The following PRKG1 variants were observed in gnomAD, a reference collection of about 807,000 sequenced individuals.
PRKG1 encodes the protein protein kinase cGMP-dependent 1.
Under a neutral mutation model 88.1 loss-of-function variants are expected in PRKG1, and 35 were observed. The ratio of observed to expected loss-of-function variants is 0.40; its 90% CI spans 0.30 to 0.53. PRKG1 has a LOEUF of 0.53. Among genes scored for constraint, PRKG1 ranks in the 20% least tolerant of loss-of-function variants. The pLI is 0.59. For missense variants in PRKG1, 540 were observed against 839.8 expected (o/e 0.64, Z 4.41); for synonymous variants, 303 against 292.5 (o/e 1.04, Z -0.37).
At chr10:51,044,209 A>T (rs905558462) in intron 1 of PRKG1, among the ~76,000 whole-genome samples, 27 of 152,000 alleles carry the variant, frequency 1.8e-4, no homozygotes, top group African/African-American at 6.3e-4. Context: ...GATCTTTCAG[A>T]CCTCATTATG....
intron 7 of PRKG1, among the ~76,000 whole-genome samples, chr10:52,123,259 T>C (rs937253906): frequency 6.6e-6 from 1 of 152,174 alleles, no homozygotes; most frequent in Non-Finnish European, 1.5e-5. Context: ...CCCGTGGATA[T>C]AGATCGAAGA....
chr10:52,017,357 A>G (rs895288884), intron 5 of PRKG1, among the ~76,000 whole-genome samples: 2 of 152,198 alleles, frequency 1.3e-5, no homozygotes, highest in African/African-American at 4.8e-5. Flanking sequence ...AGACAGTGTC[A>G]TGGCTTGAAC....
intron 5 of PRKG1, among the ~76,000 whole-genome samples, chr10:52,029,568 A>C (rs532459244): frequency 6.6e-6 from 1 of 152,328 alleles, no homozygotes; most frequent in South Asian, 2.1e-4. Context: ...TTTACTGGAA[A>C]GAAAACTCTT....
At chr10:51,263,806 C>T (rs867403933) in intron 2 of PRKG1, among the ~76,000 whole-genome samples, 2 of 152,104 alleles carry the variant, frequency 1.3e-5, no homozygotes, top group African/African-American at 4.8e-5. Flanking sequence ...TATTAAAATG[C>T]TCTTGTAGAG....
chr10:51,670,222 T>C (rs1431279303), intron 3 of PRKG1, among the ~76,000 whole-genome samples: 1 of 152,092 alleles, frequency 6.6e-6, no homozygotes, highest in Non-Finnish European at 1.5e-5. Flanking sequence ...TTTATCCAAA[T>C]TTACCACTTG....
intron 9 of PRKG1, among the ~76,000 whole-genome samples, chr10:52,249,092 C>T (rs1841106129): frequency 7.4e-6 from 1 of 135,240 alleles, no homozygotes; most frequent in Admixed American, 7.6e-5. Flanking sequence ...CCTTCCCTTC[C>T]CTTCCTTCCT....
chr10:51,568,285 A>G (rs1837659405), intron 3 of PRKG1: 1 of 152,092 alleles, frequency 6.6e-6, no homozygotes. Context: ...CAGGGAATAC[A>G]TTTCTTAATT....
intron 3 of PRKG1, among the ~76,000 whole-genome samples, chr10:51,759,631 CACAAAT>C (rs2132524716): frequency 6.6e-6 from 1 of 152,252 alleles, no homozygotes; most frequent in Admixed American, 6.5e-5. Context: ...AGTTTCTACA[CACAAAT>C]GCATTTGAGG....
intron 3 of PRKG1, among the ~76,000 whole-genome samples, chr10:51,776,990 G>A (rs562941132): frequency 1.4e-4 from 22 of 152,204 alleles, no homozygotes; most frequent in Non-Finnish European, 2.9e-4. Flanking sequence ...GATTGTAATC[G>A]TTTTAAAAAC....
At chr10:52,005,378 A>C (rs1292040534) in intron 5 of PRKG1, among the ~76,000 whole-genome samples, 1 of 151,758 alleles carries the variant, frequency 6.6e-6, no homozygotes, top group African/African-American at 2.4e-5. Context: ...ACAGTCATGA[A>C]CCACCCAGTG....
intron 2 of PRKG1, among the ~76,000 whole-genome samples, chr10:51,348,594 T>C (rs1842167303): frequency 6.6e-6 from 1 of 152,210 alleles, no homozygotes; most frequent in Non-Finnish European, 1.5e-5. Flanking sequence ...TAAAAGACTA[T>C]TTTTTACCAG....
At chr10:51,966,277 T>G (rs2133080383) in intron 5 of PRKG1, among the ~76,000 whole-genome samples, 1 of 152,242 alleles carries the variant, frequency 6.6e-6, no homozygotes, top group East Asian at 1.9e-4. Context: ...CTCATTGTAA[T>G]CTCTTATTAT....
intron 5 of PRKG1, among the ~76,000 whole-genome samples, chr10:52,039,406 C>A (rs1845701049): frequency 6.6e-6 from 1 of 151,964 alleles, no homozygotes; most frequent in Non-Finnish European, 1.5e-5. Flanking sequence ...CAAGGACTGG[C>A]CATTTACACT....
intron 3 of PRKG1, among the ~76,000 whole-genome samples, chr10:51,799,263 G>A (rs924210871): frequency 2.0e-5 from 3 of 152,030 alleles, no homozygotes; most frequent in African/African-American, 7.2e-5. Flanking sequence ...CTCTTCATTG[G>A]CCTCAGTATC....
intron 4 of PRKG1, among the ~76,000 whole-genome samples, chr10:51,900,497 A>T (rs1841956228): frequency 6.6e-6 from 1 of 152,216 alleles, no homozygotes; most frequent in South Asian, 2.1e-4. Flanking sequence ...GTCATTTGGA[A>T]ATCATTGGCT....
At chr10:52,006,429 A>AGAAAG (rs1225417734) in intron 5 of PRKG1, among the ~76,000 whole-genome samples, 2 of 152,352 alleles carry the variant, frequency 1.3e-5, no homozygotes, top group South Asian at 4.1e-4. Flanking sequence ...AGCCATTATA[A>AGAAAG]GAAAGAACCA....
intron 3 of PRKG1, among the ~76,000 whole-genome samples, chr10:51,507,931 CAT>C (rs1162234065): frequency 2.0e-5 from 3 of 151,986 alleles, no homozygotes; most frequent in South Asian, 2.1e-4. Flanking sequence ...AACAGTTAAA[CAT>C]GTGTAATTTT....
intron 2 of PRKG1, among the ~76,000 whole-genome samples, chr10:51,466,005 G>T (rs1438987258): frequency 6.6e-6 from 1 of 152,154 alleles, no homozygotes; most frequent in Non-Finnish European, 1.5e-5. Flanking sequence ...GCAAAGAGAA[G>T]TTAAGCAATT....
At chr10:51,765,740 C>T (rs547039277) in intron 3 of PRKG1, among the ~76,000 whole-genome samples, 2 of 152,030 alleles carry the variant, frequency 1.3e-5, no homozygotes, top group South Asian at 4.2e-4. Context: ...TGGTGAAGCT[C>T]TCTTTGCATT....
Sources: allele counts gnomAD v4.1 joint callset (sites outside exome capture counted in the v4.1 genomes callset), GRCh38; gene constraint gnomAD v4.1.1; transcripts MANE v1.5; gene names NCBI Gene and HGNC (gene_info 2026-07-23, HGNC 2026-07-21).